FXYD4: variants seen among roughly 807,000 people sequenced by gnomAD.
FXYD4 encodes FXYD domain containing ion transport regulator 4, also known as FXYD domain-containing ion transport regulator 4.
Under a neutral mutation model 18.3 loss-of-function variants are expected in FXYD4, and 14 were observed. The ratio of observed to expected loss-of-function variants is 0.77; its 90% CI spans 0.51 to 1.20. The LOEUF (loss-of-function observed/expected upper bound fraction) is 1.20. Among genes scored for constraint, FXYD4 ranks in the 50% most tolerant of loss-of-function variants. The pLI, the probability that FXYD4 is intolerant of heterozygous loss-of-function variation, is 0.00. For missense variants in FXYD4, 99 were observed against 106.1 expected, an observed-to-expected ratio of 0.93 and a Z score of 0.29; for synonymous variants, 40 against 40.5, an observed-to-expected ratio of 0.99 and a Z score of 0.04.
rs546355644 is a variant in FXYD4 at position 43,373,702 on chromosome 10, G to T, written c.-45G>T. On this transcript the variant is annotated 5_prime_UTR_variant, in exon 3 of 9. Transcript: ENST00000476166. ...GCAGATCCGTGGGCTGCAGACCCCC[G>T]CCCCAGTGCCTCTCCCCCTGCAGCC... 5 of 1,163,248 alleles carry T rather than the reference G, an allele frequency of 4.3e-6. No homozygotes were observed. In the South Asian group the frequency reaches 4.9e-5, roughly 11 times the overall value. The allele number at this position is 1,163,248 out of a possible 1,614,324, so 72.1% of individuals were successfully genotyped here.
intron 1 of FXYD4, among the ~76,000 whole-genome samples, 196 bp from the exon 2 acceptor site, chr10:43,372,531 C>T (rs1483840999): frequency 3.3e-5 from 5 of 152,154 alleles, no homozygotes; most frequent in Non-Finnish European, 5.9e-5. Flanking sequence ...GTGATCCACC[C>T]GCCTCAGCCT....
At chr10:43,375,641 A>T (rs1837861686) in intron 6 of FXYD4, 54 bp from the exon 7 acceptor site, 2 of 1,608,730 alleles carry the variant, frequency 1.2e-6, no homozygotes, top group African/African-American at 2.7e-5. Context: ...GCAGAAAGAG[A>T]GAGTGCTCTC....
In FXYD4 at chr10:43,375,578, G is replaced by C. The variant is rs770736033; in HGVS notation, c.172+5G>C. The C allele has an allele frequency of 1.2e-6, 2 of 1,613,458 alleles. No individual in the cohort carries two copies. Among genetic ancestry groups the C allele is most frequent in the Admixed American group, 3.3e-5 (2 of 60,012 alleles). ...CTGGGATCGCGGCAGTTCTGAGTGAGTGGCAGGACAGGTGGGGCTGGAGGA... is the reference window on the plus strand; with the variant it reads ...CTGGGATCGCGGCAGTTCTGAGTGACTGGCAGGACAGGTGGGGCTGGAGGA... On this transcript the variant is annotated splice_donor_5th_base_variant and intron_variant, in intron 6 of 8. Coordinates refer to ENST00000476166, the MANE Select transcript of FXYD4 (RefSeq NM_173160.3).
intron 5 of FXYD4, among the ~76,000 whole-genome samples, chr10:43,375,021 CTTTTTTTTTTTTT>C (rs964746350): frequency 4.1e-4 from 38 of 93,564 alleles, no homozygotes; most frequent in Admixed American, 2.4e-4. Flanking sequence ...ATGTCCACTT[CTTTTTTTTTTTTT>C]TTTTTTTTTT....
intron 1 of FXYD4, among the ~76,000 whole-genome samples, chr10:43,372,430 G>A (rs528685012): frequency 2.1e-4 from 32 of 152,184 alleles, no homozygotes; most frequent in African/African-American, 6.3e-4. Flanking sequence ...GAATACAGGC[G>A]CCTGTCACCA....
At chr10:43,373,482 C>T in intron 2 of FXYD4, 33 bp from the exon 3 acceptor site, 1 of 551,606 alleles carries the variant, frequency 1.8e-6, no homozygotes, top group Non-Finnish European at 3.3e-6. Context: ...GAGCTCTTAG[C>T]TTGTGCTTAC....
chr10:43,373,716 C>T lies in FXYD4; in HGVS notation c.-31C>T, dbSNP rs571095245. 45 of 1,503,364 alleles carry T rather than the reference C, an allele frequency of 3.0e-5. No individual in the cohort carries two copies. Among genetic ancestry groups the T allele is most frequent in the Non-Finnish European group, 3.7e-5 (40 of 1,079,088 alleles). 93.1% of individuals were successfully genotyped at this position (1,503,364 alleles called of 1,614,324 possible). On this transcript the variant is annotated 5_prime_UTR_variant, in exon 3 of 9. Coordinates refer to ENST00000476166, the MANE Select transcript of FXYD4 (RefSeq NM_173160.3). Reference sequence around the variant, plus strand: ...TGCAGACCCCCGCCCCAGTGCCTCTCCCCCTGCAGCCCTGCCCCTCGAACT... The same window carrying T: ...TGCAGACCCCCGCCCCAGTGCCTCTTCCCCTGCAGCCCTGCCCCTCGAACT...
At chr10:43,375,316 C>T (rs1006565246) in intron 5 of FXYD4, among the ~76,000 whole-genome samples, 183 bp from the exon 6 acceptor site, 6 of 152,154 alleles carry the variant, frequency 3.9e-5, no homozygotes, top group Admixed American at 6.6e-5. Flanking sequence ...TGTGAGCCAC[C>T]GCACCCAGCC....
In FXYD4 at chr10:43,376,066, C is replaced by G. The variant is rs748340864; in HGVS notation, c.247C>G (p.Pro83Ala). The change falls in exon 8 of 9, where the codon CCA becomes GCA. Residue 83 changes from proline (P) to alanine (A), a missense_variant. Physicochemically the swap from Pro to Ala is conservative, Grantham distance 27 (BLOSUM62 -1). Transcript: ENST00000476166. ...TGAGAAGGCCATCCCACTCATCACT[C>G]CAGGTGAGACGGGCTTCTGTGGGCT... is the stretch of plus-strand genomic sequence containing the variant. ...VPEKAIPLIT[P>A]GSATTC The G allele has an allele frequency of 3.7e-6, 6 of 1,614,098 alleles. No individual in the cohort carries two copies. Among genetic ancestry groups the G allele is most frequent in the South Asian group, 1.1e-5 (1 of 91,080 alleles).
chr10:43,375,518 G>A lies in FXYD4; in HGVS notation c.117G>A (p.Leu39=), dbSNP rs1402407981. Residue 39 remains leucine, a synonymous_variant, in exon 6 of 9, where the codon CTG becomes CTA. Coordinates refer to ENST00000476166, the MANE Select transcript of FXYD4 (RefSeq NM_173160.3). ...CCCCAGACTGGAAAAACCTGCAGCT[G>A]AGCGGACTGATCTGCGGAGGGCTCC... ...PFYYDWKNLQ[L]SGLICGGLLA... is the part of the protein sequence containing the mutation. 6.2e-7 allele frequency: 1 copy of A among 1,613,976 alleles called. No individual in the cohort carries two copies. Among genetic ancestry groups the A allele is most frequent in the Non-Finnish European group, 8.5e-7 (1 of 1,179,896 alleles).
intron 7 of FXYD4, 97 bp from the exon 8 acceptor site, chr10:43,375,935 A>G: frequency 7.5e-7 from 1 of 1,338,646 alleles, no homozygotes; most frequent in East Asian, 2.3e-5. Flanking sequence ...GAGAGCAAGG[A>G]CTTGCACTCC....
At chr10:43,376,126 C>T in intron 8 of FXYD4, 21 bp from the exon 9 acceptor site, 1 of 1,613,846 alleles carries the variant, frequency 6.2e-7, no homozygotes, top group Non-Finnish European at 8.5e-7. Context: ...TGTCTGATGG[C>T]CTGCCCGCCA....
At chr10:43,374,362 G>GT in intron 3 of FXYD4, 108 bp from the exon 4 acceptor site, 3 of 1,035,404 alleles carry the variant, frequency 2.9e-6, no homozygotes, top group Non-Finnish European at 4.6e-6. Context: ...AAGGGAACTG[G>GT]TGGCTCCAGG....
At chr10:43,374,536 G>A (rs1322344251) in intron 4 of FXYD4, 34 bp downstream of exon 4, 1 of 1,613,144 alleles carries the variant, frequency 6.2e-7, no homozygotes, top group Non-Finnish European at 8.5e-7. Context: ...TGCCCACTCT[G>A]CCCACATCTC....
At position 43,374,521 on chromosome 10, in the gene FXYD4, C is replaced by T; in HGVS notation, c.70+19C>T. On this transcript the variant is annotated intron_variant, in intron 4 of 8. Coordinates refer to ENST00000476166, the MANE Select transcript of FXYD4 (RefSeq NM_173160.3). ...CCATTTGGTGAGTGAGGCCCCCAAA[C>T]AGCCTGCCCACTCTGCCCACATCTC... 2 of 1,613,830 alleles carry T rather than the reference C, an allele frequency of 1.2e-6. No individual in the cohort carries two copies. The highest frequency in any genetic ancestry group is 1.1e-5 in the South Asian group (1 of 91,086).
rs1837842971 is a variant in FXYD4, at chr10:43,374,378, C to T, written c.38-92C>T. 1.2e-5 allele frequency: 16 copies of T among 1,289,328 alleles called. No homozygotes were observed. The East Asian group carries it at 3.7e-4, about 30-fold the overall frequency. The allele number at this position is 1,289,328 out of a possible 1,614,324, so 79.9% of individuals were successfully genotyped here. A position where few individuals can be genotyped will look rare whatever the true frequency, so the allele number is the denominator to read the frequency against. ...AGGGAACTGGTGGCTCCAGGGTCAC[C>T]CCACAACCTCCGGGCTGGGGTCCTG... On this transcript the variant is annotated intron_variant, in intron 3 of 8. Transcript: ENST00000476166.
At chr10:43,374,957 C>T (rs904680320) in intron 5 of FXYD4, among the ~76,000 whole-genome samples, 3 of 151,890 alleles carry the variant, frequency 2.0e-5, no homozygotes, top group Non-Finnish European at 2.9e-5. Flanking sequence ...CTCCCCTGGG[C>T]CTCAGCTCCA....
At position 43,376,237 on chromosome 10, in the gene FXYD4, C is replaced by T; in HGVS notation, c.*71C>T. The T allele has an allele frequency of 6.5e-7, 1 of 1,529,012 alleles. No homozygotes were observed. The highest frequency in any genetic ancestry group is 9.0e-7 in the Non-Finnish European group (1 of 1,105,212). The allele number at this position is 1,529,012 out of a possible 1,614,324, so 94.7% of individuals were successfully genotyped here. A position where few individuals can be genotyped will look rare whatever the true frequency, so the allele number is the denominator to read the frequency against. The stretch of plus-strand genomic sequence containing the variant: ...CCCAGCACCTCCTCCCCTGGGAGGC[C>T]TTATCCTCAAGGAAGGACTTCTCTC... On this transcript the variant is annotated 3_prime_UTR_variant, in exon 9 of 9. Transcript: ENST00000476166.
intron 3 of FXYD4, among the ~76,000 whole-genome samples, chr10:43,374,016 G>T (rs775599035): frequency 1.3e-5 from 2 of 152,218 alleles, no homozygotes; most frequent in Non-Finnish European, 2.9e-5. Flanking sequence ...ACCACCTGTG[G>T]CTTGAAGACA....
Sources: allele counts gnomAD v4.1 joint callset (sites outside exome capture counted in the v4.1 genomes callset), GRCh38; gene constraint gnomAD v4.1.1; transcripts MANE v1.5; gene names NCBI Gene and HGNC (gene_info 2026-07-23, HGNC 2026-07-21).